TCTN2: variants seen among roughly 807,000 people sequenced by gnomAD.
The protein encoded by TCTN2 is tectonic family member 2, also known as tectonic-2.
TCTN2 carries 66 observed loss-of-function variants against 83.4 expected under a neutral mutation model. The ratio of observed to expected loss-of-function variants is 0.79; its 90% CI spans 0.65 to 0.97. The LOEUF (loss-of-function observed/expected upper bound fraction) is 0.97, where lower values mean the gene tolerates loss of function less well. Among genes scored for constraint, TCTN2 ranks in the 50% least tolerant of loss-of-function variants. TCTN2 has a pLI of 0.00. For synonymous variants in TCTN2, 301 were observed against 326.7 expected (o/e 0.92, Z 0.85); for missense variants, 794 against 858.1 (o/e 0.93, Z 0.93).
chr12:123,673,705 C>A lies in TCTN2; in HGVS notation c.358C>A (p.Leu120Ile). Residue 120 changes from leucine to isoleucine, a missense_variant, in exon 4 of 18, where the codon CTC becomes ATC. Leu to Ile is a conservative substitution (Grantham distance 5). Transcript: ENST00000303372. ...TTCCTTCTCAGAGTCCCCCTGTATCCTCCAGACCCTTCTGGTTTCAGCATC... is the reference window on the plus strand; with the variant it reads ...TTCCTTCTCAGAGTCCCCCTGTATCATCCAGACCCTTCTGGTTTCAGCATC... Reference protein sequence around the residue: ...TDSFSESPCILQTLLVSASHN... With the variant: ...TDSFSESPCIIQTLLVSASHN... 6.2e-7 allele frequency: 1 copy of A among 1,614,208 alleles called. No homozygotes were observed. Among genetic ancestry groups the A allele is most frequent in the Non-Finnish European group, 8.5e-7 (1 of 1,180,024 alleles).
At chr12:123,695,585 CTTTT>C (rs34123979) in intron 11 of TCTN2, 134 of 172,784 alleles carry the variant, frequency 7.8e-4, no homozygotes, top group South Asian at 1.7e-3. Flanking sequence ...CCATGCCTGG[CTTTT>C]TTTTTTTTTT....
At chr12:123,679,429 A>G (rs1955866798) in intron 5 of TCTN2, 140 bp downstream of exon 5, 1 of 794,754 alleles carries the variant, frequency 1.3e-6, no homozygotes, top group African/African-American at 1.7e-5. Context: ...TGATGCAATG[A>G]TGGCTCACTG....
At chr12:123,680,446 G>A (rs770630397) in intron 5 of TCTN2, among the ~76,000 whole-genome samples, 1 of 149,296 alleles carries the variant, frequency 6.7e-6, no homozygotes, top group Non-Finnish European at 1.5e-5. Flanking sequence ...AAGCCACCAT[G>A]CCCGGCCTGA....
At chr12:123,674,817 G>C (rs976186561) in intron 4 of TCTN2, among the ~76,000 whole-genome samples, 1 of 152,176 alleles carries the variant, frequency 6.6e-6, no homozygotes, top group Admixed American at 6.5e-5. Context: ...CTTGAGCGTA[G>C]GAGTTTGAGG....
At chr12:123,697,604 A>G (rs981521143) in intron 13 of TCTN2, among the ~76,000 whole-genome samples, 1 of 151,812 alleles carries the variant, frequency 6.6e-6, no homozygotes, top group African/African-American at 2.4e-5. Flanking sequence ...GGTTCAAGCA[A>G]TTCTCCTGCC....
At position 123,697,205 on chromosome 12, in the gene TCTN2, G is replaced by A. The variant is rs1956119745; in HGVS notation, c.1505+7G>A. The A allele has an allele frequency of 1.9e-6, 3 of 1,571,426 alleles. No individual in the cohort carries two copies. Among genetic ancestry groups the A allele is most frequent in the Non-Finnish European group, 2.6e-6 (3 of 1,141,020 alleles). ...AAAATTGTACTCAGCTCAGGTGAGT[G>A]TTTCATTGATGAATATATCGGCAAT... On this transcript the variant is annotated splice_region_variant and intron_variant, in intron 13 of 17. Transcript: ENST00000303372.
chr12:123,700,289 G>T, intron 14 of TCTN2: 1 of 276,936 alleles, frequency 3.6e-6, no homozygotes, highest in African/African-American at 2.2e-5. Context: ...ACCATGTTGG[G>T]ATTACAGGCA....
intron 7 of TCTN2, among the ~76,000 whole-genome samples, chr12:123,689,054 T>TA (rs111228487): frequency 0.016 from 2,444 of 151,752 alleles, 21 homozygotes; most frequent in South Asian, 0.031. Context: ...TTTTTTTTTT[T>TA]AAATTAAAAA....
At chr12:123,691,115 C>A (rs939066082) in intron 8 of TCTN2, among the ~76,000 whole-genome samples, 1 of 152,136 alleles carries the variant, frequency 6.6e-6, no homozygotes, top group Non-Finnish European at 1.5e-5. Context: ...GTGATCCACT[C>A]TCCTAGGCCT....
chr12:123,671,149 G>A lies in TCTN2; in HGVS notation c.-92G>A. On this transcript the variant is annotated 5_prime_UTR_variant, in exon 1 of 18. Coordinates refer to ENST00000303372, the MANE Select transcript of TCTN2 (RefSeq NM_024809.5). ...CGTTCGCTTGCAAGATGGCGGCGGCGGGGCAGTGGCTGCTGCGTTTTCGTG... is the reference window on the plus strand; with the variant it reads ...CGTTCGCTTGCAAGATGGCGGCGGCAGGGCAGTGGCTGCTGCGTTTTCGTG... 3.2e-6 allele frequency: 4 copies of A among 1,249,780 alleles called. No homozygotes were observed. The highest frequency in any genetic ancestry group is 4.5e-6 in the Non-Finnish European group (4 of 881,192). The allele number at this position is 1,249,780 out of a possible 1,614,324, so 77.4% of individuals were successfully genotyped here. A position where few individuals can be genotyped will look rare whatever the true frequency, so the allele number is the denominator to read the frequency against.
chr12:123,672,895 C>A (rs1955773831), intron 3 of TCTN2, among the ~76,000 whole-genome samples: 1 of 152,076 alleles, frequency 6.6e-6, no homozygotes. Context: ...ACTAAAAATA[C>A]AAAAATTAGC....
chr12:123,704,934 A>T (rs1420673635), intron 15 of TCTN2, among the ~76,000 whole-genome samples: 1 of 152,078 alleles, frequency 6.6e-6, no homozygotes, highest in Non-Finnish European at 1.5e-5. Flanking sequence ...TACAAAGATG[A>T]ATAAAGGGCC....
intron 3 of TCTN2, 128 bp downstream of exon 3, chr12:123,672,260 G>A: frequency 1.1e-6 from 1 of 893,756 alleles, no homozygotes. Flanking sequence ...ATTGTGGGCT[G>A]TTGGATCTGG....
intron 14 of TCTN2, 109 bp from the exon 15 acceptor site, chr12:123,704,423 C>T: frequency 8.6e-7 from 1 of 1,163,698 alleles, no homozygotes; most frequent in South Asian, 1.3e-5. Flanking sequence ...ACTAAAGCCT[C>T]ATTAATGTGA....
chr12:123,700,877 GT>G (rs1956165184), intron 14 of TCTN2, among the ~76,000 whole-genome samples: 1 of 152,168 alleles, frequency 6.6e-6, no homozygotes, highest in Non-Finnish European at 1.5e-5. Context: ...GAGCCTAGGA[GT>G]TTGAGGCTAC....
intron 4 of TCTN2, among the ~76,000 whole-genome samples, chr12:123,675,640 T>C (rs978988706): frequency 4.6e-5 from 7 of 152,182 alleles, no homozygotes; most frequent in African/African-American, 1.7e-4. Flanking sequence ...CAAGTGCAGA[T>C]GGCTGCCTAC....
intron 14 of TCTN2, among the ~76,000 whole-genome samples, chr12:123,704,208 T>C (rs145459206): frequency 0.012 from 1,755 of 152,200 alleles, 18 homozygotes; most frequent in Non-Finnish European, 0.017. Context: ...GGTTTCACCA[T>C]GTTGGCCAGA....
chr12:123,701,225 A>G (rs1225527663), intron 14 of TCTN2, among the ~76,000 whole-genome samples: 1 of 152,210 alleles, frequency 6.6e-6, no homozygotes, highest in African/African-American at 2.4e-5. Flanking sequence ...ACAGCAGATT[A>G]GTGGATGCCG....
At chr12:123,692,469 C>CACATA (rs1566255720) in intron 8 of TCTN2, among the ~76,000 whole-genome samples, 189 bp from the exon 9 acceptor site, 5 of 151,892 alleles carry the variant, frequency 3.3e-5, no homozygotes, top group African/African-American at 1.2e-4. Context: ...TTTCTTCCTC[C>CACATA]GTTATAATTA....
Sources: gnomAD v4.1 joint callset for allele counts (sites outside exome capture counted in the v4.1 genomes callset) on GRCh38, gnomAD v4.1.1 for gene constraint, MANE v1.5 for transcripts, NCBI Gene and HGNC (gene_info 2026-07-23, HGNC 2026-07-21) for gene names.